PICALM: variants seen among roughly 807,000 people sequenced by gnomAD.
PICALM encodes phosphatidylinositol-binding clathrin assembly protein.
Under a neutral mutation model 80.5 loss-of-function variants are expected in PICALM, and 40 were observed. The ratio of observed to expected loss-of-function variants is 0.50; its 90% CI spans 0.39 to 0.65. The LOEUF (loss-of-function observed/expected upper bound fraction) is 0.65, where lower values mean the gene tolerates loss of function less well. Ranked by LOEUF, PICALM falls within the 30% of genes least tolerant of loss-of-function variation. PICALM has a pLI of 0.00. For missense variants in PICALM, 676 were observed against 778.9 expected (o/e 0.87, Z 1.57); for synonymous variants, 288 against 260.3 (o/e 1.11, Z -1.02).
chr11:86,011,882 C>T (rs116916911), intron 6 of PICALM, among the ~76,000 whole-genome samples: 1,701 of 144,018 alleles, frequency 0.012, 15 homozygotes, highest in Non-Finnish European at 0.019. Context: ...CTGAGTTTCG[C>T]TCTTGTTGCC....
chr11:86,005,670 G>A (rs373109321), intron 8 of PICALM, among the ~76,000 whole-genome samples: 2 of 151,194 alleles, frequency 1.3e-5, no homozygotes, highest in Non-Finnish European at 2.9e-5. Flanking sequence ...TTGTCAATGC[G>A]CCCCAGCCTG....
intron 1 of PICALM, among the ~76,000 whole-genome samples, chr11:86,033,690 TTCTC>T (rs2095797815): frequency 6.6e-6 from 1 of 152,216 alleles, no homozygotes; most frequent in Non-Finnish European, 1.5e-5. Context: ...TTTAATGTCT[TTCTC>T]TCTCAATTAA....
At chr11:85,988,341 A>G (rs1411421548) in intron 13 of PICALM, among the ~76,000 whole-genome samples, 1 of 152,244 alleles carries the variant, frequency 6.6e-6, no homozygotes, top group Non-Finnish European at 1.5e-5. Flanking sequence ...ATTAAGGCAA[A>G]TGAAGTTAGG....
At chr11:86,027,571 T>C (rs1017701695) in intron 2 of PICALM, among the ~76,000 whole-genome samples, 1 of 151,456 alleles carries the variant, frequency 6.6e-6, no homozygotes, top group Non-Finnish European at 1.5e-5. Flanking sequence ...GATCACAGCT[T>C]TCCACCCTCC....
In PICALM at chr11:85,993,579, C is replaced by T. The variant is rs552980897; in HGVS notation, c.1259-3180G>A. Among the ~76,000 whole-genome samples, 29 of 145,004 alleles carry T rather than the reference C, an allele frequency of 2.0e-4. No homozygotes were observed. The East Asian group carries it at 5.6e-3, about 28-fold the overall frequency. On this transcript the variant is annotated intron_variant, in intron 12 of 19. Coordinates refer to ENST00000393346, the MANE Select transcript of PICALM (RefSeq NM_007166.4). Reference sequence around the variant, plus strand: ...TCAGCTTCCCGAGTAGCTGGGATTACAGGTGCACACCACCACACCCAGCTA... The same window carrying T: ...TCAGCTTCCCGAGTAGCTGGGATTATAGGTGCACACCACCACACCCAGCTA...
At chr11:86,022,951 A>G (rs1165086183) in intron 3 of PICALM, among the ~76,000 whole-genome samples, 2 of 152,310 alleles carry the variant, frequency 1.3e-5, no homozygotes, top group Non-Finnish European at 2.9e-5. Flanking sequence ...TTACTGTGTA[A>G]TATAAGAAAT....
At chr11:86,037,968 G>C (rs933359817) in intron 1 of PICALM, among the ~76,000 whole-genome samples, 1 of 152,144 alleles carries the variant, frequency 6.6e-6, no homozygotes, top group Non-Finnish European at 1.5e-5. Flanking sequence ...GAGCAGAAAG[G>C]AGAGCCATGA....
chr11:85,976,257 T>C (rs1814950196), intron 18 of PICALM, among the ~76,000 whole-genome samples: 1 of 152,206 alleles, frequency 6.6e-6, no homozygotes, highest in South Asian at 2.1e-4. Flanking sequence ...TTTATCTCTA[T>C]ACAATTCAAG....
At chr11:86,011,344 C>T (rs191674798) in intron 6 of PICALM, among the ~76,000 whole-genome samples, 8 of 152,292 alleles carry the variant, frequency 5.3e-5, no homozygotes, top group Admixed American at 5.2e-4. Flanking sequence ...TTACTTGACC[C>T]TACTCATATT....
intron 19 of PICALM, among the ~76,000 whole-genome samples, chr11:85,972,606 T>C (rs563837265): frequency 6.6e-5 from 10 of 152,166 alleles, no homozygotes; most frequent in Non-Finnish European, 1.2e-4. Flanking sequence ...CAAATCAAGA[T>C]GCAGAGTGGG....
chr11:86,058,039 C>T (rs531699742), intron 1 of PICALM, among the ~76,000 whole-genome samples: 1 of 152,322 alleles, frequency 6.6e-6, no homozygotes, highest in South Asian at 2.1e-4. Flanking sequence ...AGGCGGATTT[C>T]TGCCAACAAT....
intron 7 of PICALM, 38 bp downstream of exon 7, chr11:86,010,992 A>G (rs757834870): frequency 2.3e-6 from 2 of 870,596 alleles, no homozygotes; most frequent in Non-Finnish European, 1.9e-6. Flanking sequence ...TACAGACAAA[A>G]AGGCAAGTTA....
chr11:86,017,564 T>A (rs2095500355), intron 4 of PICALM, among the ~76,000 whole-genome samples: 1 of 152,210 alleles, frequency 6.6e-6, no homozygotes, highest in African/African-American at 2.4e-5. Context: ...CTCACAACAA[T>A]CCTGACAGGA....
chr11:85,983,135 A>G (rs940012208), intron 14 of PICALM, among the ~76,000 whole-genome samples: 1 of 152,186 alleles, frequency 6.6e-6, no homozygotes, highest in African/African-American at 2.4e-5. Flanking sequence ...TTTTTGAAGG[A>G]TAACTAATTA....
intron 7 of PICALM, among the ~76,000 whole-genome samples, chr11:86,008,242 T>C (rs934742664): frequency 3.9e-5 from 6 of 152,332 alleles, no homozygotes; most frequent in African/African-American, 1.4e-4. Context: ...AACTATTTTC[T>C]GTCCCGTGGC....
chr11:85,997,884 G>A (rs2095025973), intron 11 of PICALM, among the ~76,000 whole-genome samples: 1 of 151,848 alleles, frequency 6.6e-6, no homozygotes, highest in African/African-American at 2.4e-5. Flanking sequence ...CTGGGTTCCA[G>A]TGACTGGCAT....
chr11:86,039,408 A>T (rs751860267), intron 1 of PICALM, among the ~76,000 whole-genome samples: 2 of 151,922 alleles, frequency 1.3e-5, no homozygotes, highest in Non-Finnish European at 2.9e-5. Flanking sequence ...TGTCTAAAAA[A>T]AAATAAATTA....
chr11:86,017,091 C>A (rs1172213102), intron 4 of PICALM, among the ~76,000 whole-genome samples: 1 of 151,998 alleles, frequency 6.6e-6, no homozygotes, highest in Non-Finnish European at 1.5e-5. Context: ...GGCACAGTGG[C>A]ATGCGCCTAT....
chr11:86,066,192 T>G (rs1484461017), intron 1 of PICALM, among the ~76,000 whole-genome samples: 2 of 152,200 alleles, frequency 1.3e-5, no homozygotes. Flanking sequence ...TGTTAGTGTG[T>G]GCAAGGAAGG....
Sources: gnomAD v4.1 joint callset for allele counts (sites outside exome capture counted in the v4.1 genomes callset) on GRCh38, gnomAD v4.1.1 for gene constraint, MANE v1.5 for transcripts, NCBI Gene and HGNC (gene_info 2026-07-23, HGNC 2026-07-21) for gene names.